Variants in SGCD observed in about 807,000 individuals in gnomAD.
The protein encoded by SGCD is sarcoglycan delta, also known as delta-sarcoglycan.
Under a neutral mutation model 36.6 loss-of-function variants are expected in SGCD, and 18 were observed. That is an observed-to-expected ratio of 0.49 (90% CI 0.34 to 0.73). The LOEUF is 0.73. Ranked by LOEUF, SGCD falls within the 30% of genes least tolerant of loss-of-function variation. SGCD has a pLI of 0.01. For missense variants in SGCD, 387 were observed against 346.7 expected (o/e 1.12, Z -0.92); for synonymous variants, 133 against 130.6 (o/e 1.02, Z -0.12).
At chr5:156,426,024 T>A (rs1773658500) in intron 3 of SGCD, among the ~76,000 whole-genome samples, 1 of 152,126 alleles carries the variant, frequency 6.6e-6, no homozygotes, top group South Asian at 2.1e-4. Context: ...GAAACATGCA[T>A]GTGCATGGGT....
chr5:155,743,731 C>T, the SGCD span, among the ~76,000 whole-genome samples: 1 of 152,174 alleles, frequency 6.6e-6, no homozygotes, highest in African/African-American at 2.4e-5. Flanking sequence ...CAAACACCAC[C>T]TTAAAATAAA....
At chr5:156,137,444 A>G (rs1762485890) in intron 3 of SGCD, among the ~76,000 whole-genome samples, 1 of 152,224 alleles carries the variant, frequency 6.6e-6, no homozygotes, top group South Asian at 2.1e-4. Flanking sequence ...CATTCTACTC[A>G]GTGGGAACAT....
intron 1 of SGCD, among the ~76,000 whole-genome samples, chr5:156,069,043 A>G (rs1296981273): frequency 2.6e-5 from 4 of 152,026 alleles, no homozygotes; most frequent in Admixed American, 6.6e-5. Context: ...AGATGAGTAG[A>G]TTGCAAAAAT....
the SGCD span, among the ~76,000 whole-genome samples, chr5:155,730,309 C>G: frequency 6.6e-6 from 1 of 152,150 alleles, no homozygotes; most frequent in African/African-American, 2.4e-5. Flanking sequence ...CCAGTAACTT[C>G]TTCATGAGTA....
chr5:156,342,297 T>G (rs1768702029), intron 2 of SGCD, among the ~76,000 whole-genome samples: 1 of 152,222 alleles, frequency 6.6e-6, no homozygotes, highest in Non-Finnish European at 1.5e-5. Flanking sequence ...GCACACTTAT[T>G]TGTAAAGAAT....
intron 1 of SGCD, among the ~76,000 whole-genome samples, chr5:155,920,837 G>C (rs1756861172): frequency 1.3e-5 from 2 of 152,270 alleles, no homozygotes; most frequent in South Asian, 4.1e-4. Flanking sequence ...GGACAGTGGG[G>C]TGGATAGGTC....
At chr5:155,749,474 ATTG>A in the SGCD span, among the ~76,000 whole-genome samples, 1 of 152,192 alleles carries the variant, frequency 6.6e-6, no homozygotes, top group African/African-American at 2.4e-5. Context: ...TCAAGCATTT[ATTG>A]TTATTGGCCC....
chr5:155,774,099 C>T, the SGCD span, among the ~76,000 whole-genome samples: 2 of 152,248 alleles, frequency 1.3e-5, no homozygotes, highest in South Asian at 4.1e-4. Flanking sequence ...ATTCAGTTAA[C>T]ATGTAAGAGA....
the SGCD span, among the ~76,000 whole-genome samples, chr5:155,788,141 A>AT: frequency 6.6e-6 from 1 of 152,124 alleles, no homozygotes; most frequent in Non-Finnish European, 1.5e-5. Flanking sequence ...CGAGCATTCT[A>AT]TTTTTTCAAT....
intron 4 of SGCD, among the ~76,000 whole-genome samples, chr5:156,552,837 C>T (rs1403758285): frequency 1.3e-5 from 2 of 152,150 alleles, no homozygotes; most frequent in African/African-American, 4.8e-5. Context: ...CCTTTTCATC[C>T]ATTGCTTTAA....
chr5:156,178,539 C>T (rs1280275061), intron 3 of SGCD, among the ~76,000 whole-genome samples: 6 of 152,178 alleles, frequency 3.9e-5, no homozygotes, highest in Admixed American at 3.3e-4. Flanking sequence ...ACATATTACA[C>T]ATGCTTTCAA....
chr5:156,087,006 G>A (rs1294097637), intron 1 of SGCD, among the ~76,000 whole-genome samples: 2 of 152,126 alleles, frequency 1.3e-5, no homozygotes, highest in Non-Finnish European at 2.9e-5. Context: ...CATGAAGGAA[G>A]CCTGTTGGAG....
rs532686248 is a variant in SGCD at position 156,347,281 on chromosome 5, C to G, written c.192+2604C>G. 2.6e-5 allele frequency among the ~76,000 whole-genome samples: 4 copies of G among 152,258 alleles called. No individual in the cohort carries two copies. In the East Asian group the frequency reaches 7.7e-4, roughly 29 times the overall value. On this transcript the variant is annotated intron_variant, in intron 3 of 8. Transcript: ENST00000337851. Reference sequence around the variant, plus strand: ...TCCATTTGGCCTTAAGTCCCAGTGACCACAATTGCCATCTGTCGATGTGCA... The same window carrying G: ...TCCATTTGGCCTTAAGTCCCAGTGAGCACAATTGCCATCTGTCGATGTGCA...
intron 3 of SGCD, among the ~76,000 whole-genome samples, chr5:156,504,058 G>A (rs1435484124): frequency 6.6e-6 from 1 of 151,826 alleles, no homozygotes; most frequent in African/African-American, 2.4e-5. Context: ...GCAAAAATTA[G>A]CCAGGCATAG....
At chr5:156,758,011 G>A (rs1199558939) in intron 8 of SGCD, 1 of 1,180,318 alleles carries the variant, frequency 8.5e-7, no homozygotes, top group East Asian at 3.9e-5. Context: ...GATTTTGTTA[G>A]CCAACATAAT....
chr5:155,792,991 T>C, the SGCD span, among the ~76,000 whole-genome samples: 1 of 152,230 alleles, frequency 6.6e-6, no homozygotes, highest in South Asian at 2.1e-4. Context: ...AGCAAAGTCA[T>C]GGAATCAACC....
intron 4 of SGCD, among the ~76,000 whole-genome samples, chr5:156,520,214 C>T (rs1757342403): frequency 6.6e-6 from 1 of 152,146 alleles, no homozygotes; most frequent in South Asian, 2.1e-4. Context: ...CATTCCTATA[C>T]ACCAACAACA....
intron 3 of SGCD, among the ~76,000 whole-genome samples, chr5:156,495,777 G>A (rs987647557): frequency 6.6e-6 from 1 of 152,116 alleles, no homozygotes; most frequent in Admixed American, 6.6e-5. Flanking sequence ...CAATAGCTCA[G>A]GATTTATAAG....
At chr5:155,882,335 T>C (rs1413946174) in intron 1 of SGCD, among the ~76,000 whole-genome samples, 1 of 152,026 alleles carries the variant, frequency 6.6e-6, no homozygotes, top group Non-Finnish European at 1.5e-5. Flanking sequence ...TGCCTTGGCC[T>C]CCCGAAGATC....
Sources: gnomAD v4.1 joint callset for allele counts (sites outside exome capture counted in the v4.1 genomes callset) on GRCh38, gnomAD v4.1.1 for gene constraint, MANE v1.5 for transcripts, NCBI Gene and HGNC (gene_info 2026-07-23, HGNC 2026-07-21) for gene names.